MYLK: variants seen among roughly 807,000 people sequenced by gnomAD.
The protein encoded by MYLK is myosin light chain kinase, also known as myosin light chain kinase, smooth muscle.
In MYLK, 106 loss-of-function variants were observed where a neutral mutation model predicts 203.4. That is an observed-to-expected ratio of 0.52 (90% CI 0.45 to 0.61). The LOEUF (loss-of-function observed/expected upper bound fraction) is 0.61. MYLK is among the 20% of genes least tolerant of loss of function. The pLI is 0.00. For missense variants in MYLK, 2,072 were observed against 2,442.3 expected (o/e 0.85, Z 3.20); for synonymous variants, 867 against 959.5 (o/e 0.90, Z 1.78).
chr3:123,805,537 G>A (rs1203170025), intron 3 of MYLK, among the ~76,000 whole-genome samples: 1 of 152,296 alleles, frequency 6.6e-6, no homozygotes, highest in East Asian at 1.9e-4. Context: ...CAACTAAAGA[G>A]AGAGAGGGCC....
At chr3:123,704,189 C>G (rs1457993105) in intron 16 of MYLK, among the ~76,000 whole-genome samples, 1 of 152,230 alleles carries the variant, frequency 6.6e-6, no homozygotes, top group East Asian at 1.9e-4. Flanking sequence ...TTAAGTGGAT[C>G]ACCTGGTGGC....
At chr3:123,618,486 G>A in intron 33 of MYLK, 153 bp downstream of exon 33, 2 of 967,458 alleles carry the variant, frequency 2.1e-6, no homozygotes, top group East Asian at 2.5e-5. Context: ...CCCTTTATGA[G>A]CAGCTCCTGC....
intron 2 of MYLK, among the ~76,000 whole-genome samples, chr3:123,848,840 G>C (rs2030386910): frequency 6.6e-6 from 1 of 152,140 alleles, no homozygotes; most frequent in African/African-American, 2.4e-5. Flanking sequence ...ATTTGCCTTG[G>C]ACTACCTCGA....
intron 29 of MYLK, among the ~76,000 whole-genome samples, chr3:123,630,074 C>T (rs947044495): frequency 1.3e-5 from 2 of 152,144 alleles, no homozygotes; most frequent in African/African-American, 4.8e-5. Context: ...TCTCTCCACA[C>T]ACCTTCAGCT....
intron 3 of MYLK, among the ~76,000 whole-genome samples, chr3:123,820,716 T>TTC (rs2065907011): frequency 6.6e-6 from 1 of 150,680 alleles, no homozygotes; most frequent in African/African-American, 2.4e-5. Context: ...CCTTCTTTCC[T>TTC]CTCTCTCTCT....
rs185459400 is a variant in MYLK, at chr3:123,754,078, G to A, written c.166-1540C>T. On this transcript the variant is annotated intron_variant, in intron 4 of 33. Transcript: ENST00000360304. The stretch of plus-strand genomic sequence containing the variant: ...AGTCTCTTCCCTAAGCATACTAAGC[G>A]AGGAAAGAGCTATGCTAAAAAGCGC... Among the ~76,000 whole-genome samples the A allele has an allele frequency of 3.3e-3, 504 of 152,296 alleles. 5 individuals are homozygous for A. Among genetic ancestry groups the A allele is most frequent in the African/African-American group, 0.011 (472 of 41,568 alleles).
rs138575251 is a variant in MYLK, at chr3:123,708,711, C to T, written c.2127G>A (p.Val709=). The T allele has an allele frequency of 6.9e-5, 111 of 1,614,126 alleles. 1 individual carries two copies. In the African/African-American group the frequency reaches 1.1e-3, roughly 15 times the overall value. The change falls in exon 15 of 34, where the codon GTG becomes GTA. Residue 709 remains valine (V), a synonymous_variant. Coordinates refer to ENST00000360304, the MANE Select transcript of MYLK (RefSeq NM_053025.4). The part of the protein sequence containing the change: ...NSAGEVRTQA[V]LTVQEPHDGT... ...GGTCAGCCTCACCTTGTACCGTGAG[C>T]ACGGCCTGGGTGCGGACCTCTCCAG... is the stretch of plus-strand genomic sequence containing the variant.
chr3:123,873,782 T>A (rs2032980762), intron 2 of MYLK, among the ~76,000 whole-genome samples: 1 of 151,890 alleles, frequency 6.6e-6, no homozygotes. Context: ...CAAGTACACA[T>A]TTTGCTGTAC....
chr3:123,800,651 C>A (rs1354171509), intron 3 of MYLK, among the ~76,000 whole-genome samples: 1 of 152,176 alleles, frequency 6.6e-6, no homozygotes, highest in Non-Finnish European at 1.5e-5. Context: ...CCTTTTCCTC[C>A]AGCAAGAGAA....
chr3:123,787,165 C>A (rs551757458), intron 4 of MYLK, among the ~76,000 whole-genome samples: 1 of 152,286 alleles, frequency 6.6e-6, no homozygotes, highest in African/African-American at 2.4e-5. Context: ...ATAACCATGG[C>A]TCTTCTGTAC....
At chr3:123,848,286 A>T (rs1208741404) in intron 2 of MYLK, among the ~76,000 whole-genome samples, 3 of 143,264 alleles carry the variant, frequency 2.1e-5, no homozygotes, top group African/African-American at 7.7e-5. Flanking sequence ...GGTTTTATCT[A>T]TATCACTTTT....
chr3:123,750,671 C>T (rs2063165054), intron 5 of MYLK, among the ~76,000 whole-genome samples: 1 of 152,184 alleles, frequency 6.6e-6, no homozygotes, highest in African/African-American at 2.4e-5. Flanking sequence ...AGTGCTTTCT[C>T]AATTTCCCCA....
In MYLK at chr3:123,700,065, C is replaced by T. The variant is rs777923531; in HGVS notation, c.3403G>A (p.Gly1135Arg). Residue 1135 changes from glycine (G) to arginine (R), a missense_variant, in exon 18 of 34, where the codon GGA becomes AGA. Physicochemically the swap from Gly to Arg is moderately radical, Grantham distance 125. This residue lies in a region of MYLK where 865 missense variants were observed against 1,016.0 expected (regional missense o/e 0.85). Coordinates refer to ENST00000360304, the MANE Select transcript of MYLK (RefSeq NM_053025.4). Reference sequence around the variant, plus strand: ...AACTTGGTGGTCTTGAGGGTCTTTCCGTTCAGCGTCCAGATGATGGTGGCT... The same window carrying T: ...AACTTGGTGGTCTTGAGGGTCTTTCTGTTCAGCGTCCAGATGATGGTGGCT... ...PPATIIWTLNGKTLKTTKFII... is the reference protein window; with the variant it reads ...PPATIIWTLNRKTLKTTKFII... 12 of 1,613,924 alleles carry T rather than the reference C, an allele frequency of 7.4e-6. No homozygotes were observed. The highest frequency in any genetic ancestry group is 1.7e-5 in the Admixed American group (1 of 59,994).
intron 13 of MYLK, among the ~76,000 whole-genome samples, chr3:123,713,749 C>G (rs1196184303): frequency 6.6e-6 from 1 of 152,130 alleles, no homozygotes; most frequent in Non-Finnish European, 1.5e-5. Flanking sequence ...CAGATGGAAA[C>G]TGGCATTCTT....
intron 13 of MYLK, among the ~76,000 whole-genome samples, chr3:123,719,934 CTGAG>C (rs2062028612): frequency 6.6e-6 from 1 of 152,236 alleles, no homozygotes; most frequent in African/African-American, 2.4e-5. Context: ...CCCGAGCCTC[CTGAG>C]TGTCTCAGGG....
At chr3:123,816,807 G>A (rs747453086) in intron 3 of MYLK, among the ~76,000 whole-genome samples, 3 of 152,156 alleles carry the variant, frequency 2.0e-5, no homozygotes, top group Non-Finnish European at 2.9e-5. Context: ...CACACAGATC[G>A]GGGACTTTCC....
intron 23 of MYLK, among the ~76,000 whole-genome samples, chr3:123,658,618 G>A (rs2059465871): frequency 6.6e-6 from 1 of 152,124 alleles, no homozygotes. Flanking sequence ...AAACTGGTTT[G>A]TTTGCCTGGC....
chr3:123,688,533 G>C (rs1421730549), intron 19 of MYLK, among the ~76,000 whole-genome samples: 1 of 152,102 alleles, frequency 6.6e-6, no homozygotes. Flanking sequence ...TCCTGGGTCT[G>C]GTCATCACAT....
At chr3:123,658,114 T>C (rs915425593) in intron 23 of MYLK, among the ~76,000 whole-genome samples, 1 of 152,276 alleles carries the variant, frequency 6.6e-6, no homozygotes, top group East Asian at 1.9e-4. Flanking sequence ...TAGTCATTAC[T>C]ATCAAGATTA....
Sources: gnomAD v4.1 joint callset for allele counts (sites outside exome capture counted in the v4.1 genomes callset) on GRCh38, gnomAD v4.1.1 for gene constraint, gnomAD v4.1.1 regional missense constraint, MANE v1.5 for transcripts, NCBI Gene and HGNC (gene_info 2026-07-23, HGNC 2026-07-21) for gene names.